Variants in NUP133 observed in about 807,000 individuals in gnomAD.
NUP133 encodes the protein nucleoporin 133.
A neutral mutation model predicts 146.2 loss-of-function variants in NUP133; 66 were observed. The observed-to-expected ratio is 0.45, with a 90% CI of 0.37 to 0.55. The LOEUF (loss-of-function observed/expected upper bound fraction) is 0.55. Ranked by LOEUF, NUP133 falls within the 20% of genes least tolerant of loss-of-function variation. The pLI, the probability that NUP133 is intolerant of heterozygous loss-of-function variation, is 0.00. For missense variants in NUP133, 1,277 were observed against 1,374.8 expected (o/e 0.93, Z 1.12); for synonymous variants, 521 against 498.8 (o/e 1.04, Z -0.59).
Position 229,460,732 on chromosome 1 carries a change from T to C in NUP133, c.2723A>G (p.Lys908Arg), listed in dbSNP as rs1298411164. 1 of 1,613,944 alleles carries C rather than the reference T, an allele frequency of 6.2e-7. No homozygotes were observed. The highest frequency in any genetic ancestry group is 2.2e-5 in the East Asian group (1 of 44,868). The change falls in exon 20 of 26, where the codon AAA (lysine) becomes AGA (arginine). Residue 908 changes from lysine to arginine, a missense_variant. Coordinates refer to ENST00000261396, the MANE Select transcript of NUP133 (RefSeq NM_018230.3). Reference protein sequence around the residue: ...SDFLFRWYLEKGKRGKLLSQP... With the variant: ...SDFLFRWYLERGKRGKLLSQP... ...AGATAATAATTTGCCTCGCTTTCCTTTCTCCAGATACCAACGGAAGAGAAA... is the reference window on the plus strand; with the variant it reads ...AGATAATAATTTGCCTCGCTTTCCTCTCTCCAGATACCAACGGAAGAGAAA...
At chr1:229,488,733 C>G (rs1661426734) in intron 9 of NUP133, among the ~76,000 whole-genome samples, 1 of 151,526 alleles carries the variant, frequency 6.6e-6, no homozygotes, top group Non-Finnish European at 1.5e-5. Context: ...CACCTGTAAT[C>G]CCAGCTACCT....
Position 229,466,587 on chromosome 1 carries a change from C to A in NUP133, c.2199+47G>T, listed in dbSNP as rs368213893. On this transcript the variant is annotated intron_variant, in intron 16 of 25. Transcript: ENST00000261396. Reference sequence around the variant, plus strand: ...CATGGAAACCAGTTCCTTGTCTATCCATGCCCTGGGCTTTGATTTGCTGAA... The same window carrying A: ...CATGGAAACCAGTTCCTTGTCTATCAATGCCCTGGGCTTTGATTTGCTGAA... 2.9e-5 allele frequency: 46 copies of A among 1,607,828 alleles called. No homozygotes were observed. The African/African-American group carries it at 4.8e-4, about 17-fold the overall frequency.
At chr1:229,466,042 T>C (rs1332629602) in intron 16 of NUP133, among the ~76,000 whole-genome samples, 1 of 152,152 alleles carries the variant, frequency 6.6e-6, no homozygotes, top group Non-Finnish European at 1.5e-5. Context: ...GGAAAATTAT[T>C]TGGCAAAGTA....
At position 229,470,710 on chromosome 1, in the gene NUP133, G is replaced by A; in HGVS notation, c.1946C>T (p.Ala649Val). The change falls in exon 15 of 26, where the codon GCC (alanine) becomes GTC (valine). Residue 649 changes from alanine to valine, a missense_variant. Ala to Val is a moderately conservative substitution (Grantham distance 64). This residue lies in a region of NUP133 where 952 missense variants were observed against 1,047.0 expected (regional missense o/e 0.91). Coordinates refer to ENST00000261396, the MANE Select transcript of NUP133 (RefSeq NM_018230.3). The part of the protein sequence containing the change: ...LLCEHAEKLS[A>V]AIVLKNHHSR... Reference sequence around the variant, plus strand: ...GTGGTGGTTCTTGAGAACAATGGCGGCTGACAGCTTTTCGGCATGCTCACA... The same window carrying A: ...GTGGTGGTTCTTGAGAACAATGGCGACTGACAGCTTTTCGGCATGCTCACA... 1.2e-6 allele frequency: 2 copies of A among 1,614,192 alleles called. No individual in the cohort carries two copies. The highest frequency in any genetic ancestry group is 1.7e-6 in the Non-Finnish European group (2 of 1,180,026).
At chr1:229,501,231 C>A (rs560371021) in intron 3 of NUP133, among the ~76,000 whole-genome samples, 1 of 152,192 alleles carries the variant, frequency 6.6e-6, no homozygotes, top group Non-Finnish European at 1.5e-5. Flanking sequence ...TTAAAATTAG[C>A]ATGACCAAAG....
intron 20 of NUP133, among the ~76,000 whole-genome samples, chr1:229,459,949 T>C (rs976919543): frequency 1.3e-5 from 2 of 152,198 alleles, no homozygotes; most frequent in Non-Finnish European, 2.9e-5. Context: ...CAGTTTCCCA[T>C]AATGGTTGTA....
chr1:229,456,743 G>GTATATA (rs35686668), intron 21 of NUP133, among the ~76,000 whole-genome samples: 2 of 149,792 alleles, frequency 1.3e-5, no homozygotes, highest in African/African-American at 4.9e-5. Flanking sequence ...TGTGTATTGT[G>GTATATA]TATATATATA....
rs913157076 is a variant in NUP133 at position 229,452,602 on chromosome 1, G to C, written c.3022C>G (p.Leu1008Val). 1.3e-5 allele frequency: 21 copies of C among 1,613,566 alleles called. No individual in the cohort carries two copies. Among genetic ancestry groups the C allele is most frequent in the Admixed American group, 1.2e-4 (7 of 59,996 alleles). The stretch of plus-strand genomic sequence containing the variant: ...TTCTCCGCCAGCAGCTGTTCAGGTA[G>C]GGTCTCCTGATGCAGTAGAAAGCGC... ...QERFLLHQET[L>V]PEQLLAEKQL... Residue 1008 changes from leucine (L) to valine (V), a missense_variant, in exon 22 of 26, where the codon CTA becomes GTA. Leu to Val is a conservative substitution (Grantham distance 32). Coordinates refer to ENST00000261396, the MANE Select transcript of NUP133 (RefSeq NM_018230.3).
At chr1:229,480,978 A>G (rs1035791755) in intron 12 of NUP133, among the ~76,000 whole-genome samples, 9 of 151,734 alleles carry the variant, frequency 5.9e-5, no homozygotes, top group African/African-American at 1.9e-4. Context: ...ACAGGTGTGA[A>G]CCATCACACC....
At chr1:229,495,755 TC>T (rs1475556482) in intron 7 of NUP133, 136 bp downstream of exon 7, 4 of 931,542 alleles carry the variant, frequency 4.3e-6, no homozygotes, top group Non-Finnish European at 6.3e-6. Flanking sequence ...CTAACCCATT[TC>T]CACTTAATCT....
chr1:229,498,147 T>C lies in NUP133; in HGVS notation c.808A>G (p.Ser270Gly), dbSNP rs755226326. The C allele has an allele frequency of 1.9e-6, 3 of 1,605,560 alleles. No homozygotes were observed. The highest frequency in any genetic ancestry group is 1.7e-5 in the Admixed American group (1 of 58,070). The change falls in exon 6 of 26, where the codon AGT becomes GGT. Residue 270 changes from serine to glycine, a missense_variant. Coordinates refer to ENST00000261396, the MANE Select transcript of NUP133 (RefSeq NM_018230.3). ...TTTTATAAACTTACTGTGAGATCAC[T>C]ACTAGGAGATAAAATTCCAAAAAGA... is the stretch of plus-strand genomic sequence containing the variant. Reference protein sequence around the residue: ...SSLFGILSPSSDLTLSSVLWD... With the variant: ...SSLFGILSPSGDLTLSSVLWD...
At chr1:229,462,464 T>C (rs750306473) in intron 19 of NUP133, among the ~76,000 whole-genome samples, 5 of 152,220 alleles carry the variant, frequency 3.3e-5, no homozygotes, top group Admixed American at 1.3e-4. Flanking sequence ...ATATCACTTT[T>C]ACAGTAATAA....
chr1:229,488,238 T>C (rs938659895), intron 9 of NUP133, among the ~76,000 whole-genome samples: 2 of 152,080 alleles, frequency 1.3e-5, no homozygotes, highest in African/African-American at 4.8e-5. Flanking sequence ...AAGGAGAAAA[T>C]GAAAGCACTA....
intron 21 of NUP133, among the ~76,000 whole-genome samples, chr1:229,453,499 A>G (rs971665181): frequency 1.3e-5 from 2 of 152,224 alleles, no homozygotes; most frequent in African/African-American, 4.8e-5. Flanking sequence ...GAGAACTATG[A>G]GAAATCACTT....
At chr1:229,488,867 G>C (rs141044997) in intron 9 of NUP133, among the ~76,000 whole-genome samples, 54 of 151,840 alleles carry the variant, frequency 3.6e-4, no homozygotes, top group African/African-American at 1.3e-3. Flanking sequence ...AAACAAACAA[G>C]GATTTAACAG....
chr1:229,495,988 G>A lies in NUP133; in HGVS notation c.879C>T (p.Asn293=), dbSNP rs1661645781. ...AATCATCTAATTCCCATTTACTGAT[G>A]TTTGAACTCGTCAGGCTATAAAAGC... is the stretch of plus-strand genomic sequence containing the variant. The part of the protein sequence containing the change: ...RSSFYSLTSS[N]ISKWELDDSS... The change falls in exon 7 of 26, where the codon AAC becomes AAT. Residue 293 remains asparagine, a synonymous_variant. Transcript: ENST00000261396. The A allele has an allele frequency of 6.2e-7, 1 of 1,611,048 alleles. No individual in the cohort carries two copies. The highest frequency in any genetic ancestry group is 8.5e-7 in the Non-Finnish European group (1 of 1,178,564).
intron 14 of NUP133, among the ~76,000 whole-genome samples, chr1:229,474,468 AAAGAG>A (rs1239880781): frequency 6.7e-6 from 1 of 148,196 alleles, no homozygotes; most frequent in East Asian, 1.9e-4. Flanking sequence ...CAAGAAAATA[AAAGAG>A]TAGACAGGAG....
At chr1:229,487,045 C>A (rs1661369465) in intron 10 of NUP133, among the ~76,000 whole-genome samples, 1 of 152,066 alleles carries the variant, frequency 6.6e-6, no homozygotes, top group African/African-American at 2.4e-5. Context: ...TCTGCCCAAC[C>A]CCTTCAGCTA....
At chr1:229,444,587 C>CT (rs947753614) in intron 25 of NUP133, among the ~76,000 whole-genome samples, 154 of 144,772 alleles carry the variant, frequency 1.1e-3, no homozygotes, top group Non-Finnish European at 1.1e-3. Flanking sequence ...CTTCTTGGTT[C>CT]TTTTTTTTTT....
Sources: allele counts gnomAD v4.1 joint callset (sites outside exome capture counted in the v4.1 genomes callset), GRCh38; gene constraint gnomAD v4.1.1; regional missense constraint gnomAD v4.1.1; transcripts MANE v1.5; gene names NCBI Gene and HGNC (gene_info 2026-07-23, HGNC 2026-07-21).